The following CEP63 variants were observed in gnomAD, a reference collection of about 807,000 sequenced individuals.
The protein encoded by CEP63 is centrosomal protein 63, also known as centrosomal protein of 63 kDa.
A neutral mutation model predicts 89.1 loss-of-function variants in CEP63; 84 were observed. That is an observed-to-expected ratio of 0.94 (90% CI 0.79 to 1.13). The LOEUF (loss-of-function observed/expected upper bound fraction) is 1.13, where lower values mean the gene tolerates loss of function less well. CEP63 is among the 50% of genes most tolerant of loss of function. CEP63 has a pLI of 0.00. For synonymous variants in CEP63, 267 were observed against 272.5 expected (o/e 0.98, Z 0.20); for missense variants, 838 against 813.3 (o/e 1.03, Z -0.37).
chr3:134,647,771 C>T, the CEP63 span, among the ~76,000 whole-genome samples: 21 of 149,722 alleles, frequency 1.4e-4, no homozygotes, highest in Non-Finnish European at 2.9e-5. Flanking sequence ...CCATTTTCCA[C>T]TTCCACCTCT....
At chr3:134,720,417 T>C in the CEP63 span, among the ~76,000 whole-genome samples, 1 of 152,192 alleles carries the variant, frequency 6.6e-6, no homozygotes, top group African/African-American at 2.4e-5. Context: ...TGGTTTGTCT[T>C]TTCACTTTCT....
the CEP63 span, among the ~76,000 whole-genome samples, chr3:134,658,801 C>A: frequency 6.6e-6 from 1 of 152,172 alleles, no homozygotes; most frequent in Non-Finnish European, 1.5e-5. Context: ...TCTGAGACAG[C>A]GCTGCTCAGT....
At chr3:134,680,648 T>C in the CEP63 span, among the ~76,000 whole-genome samples, 1 of 152,174 alleles carries the variant, frequency 6.6e-6, no homozygotes, top group African/African-American at 2.4e-5. Context: ...ATACAGGTTT[T>C]AGTTTGGGGA....
chr3:134,539,039 G>A (rs1010732593), intron 6 of CEP63, among the ~76,000 whole-genome samples: 1 of 152,204 alleles, frequency 6.6e-6, no homozygotes, highest in African/African-American at 2.4e-5. Context: ...ACCTAAAACT[G>A]TCTGATTGTT....
chr3:134,502,700 A>T (rs1019571487), intron 2 of CEP63, among the ~76,000 whole-genome samples: 32 of 151,134 alleles, frequency 2.1e-4, no homozygotes, highest in Admixed American at 4.6e-4. Flanking sequence ...ACTTATTTGG[A>T]TCTTCCTTTT....
chr3:134,525,373 A>G (rs777291352), intron 3 of CEP63, among the ~76,000 whole-genome samples: 4 of 151,966 alleles, frequency 2.6e-5, no homozygotes, highest in South Asian at 2.1e-4. Flanking sequence ...GTCTCCTTCA[A>G]CTTAGCTCTG....
chr3:134,705,338 G>A, the CEP63 span, among the ~76,000 whole-genome samples: 2 of 152,000 alleles, frequency 1.3e-5, no homozygotes, highest in African/African-American at 4.8e-5. Flanking sequence ...CTGAGTGGGG[G>A]GTCTTACGGG....
At chr3:134,734,503 A>C in the CEP63 span, among the ~76,000 whole-genome samples, 1 of 152,216 alleles carries the variant, frequency 6.6e-6, no homozygotes, top group Non-Finnish European at 1.5e-5. Flanking sequence ...CAAGAGGCAC[A>C]AGTAAACAAT....
the CEP63 span, among the ~76,000 whole-genome samples, chr3:134,623,153 G>T: frequency 6.6e-6 from 1 of 152,158 alleles, no homozygotes; most frequent in Non-Finnish European, 1.5e-5. Context: ...CTGGTCCTTT[G>T]GTCCCCACCT....
intron 6 of CEP63, among the ~76,000 whole-genome samples, chr3:134,541,510 CTTTTTTTTTTTTT>C (rs564947611): frequency 7.8e-6 from 1 of 128,354 alleles, no homozygotes; most frequent in Admixed American, 8.0e-5. Flanking sequence ...TACTAGCCAA[CTTTTTTTTTTTTT>C]TTTTTTTTTG....
chr3:134,499,992 T>G (rs1941469406), intron 2 of CEP63, among the ~76,000 whole-genome samples: 1 of 151,760 alleles, frequency 6.6e-6, no homozygotes. Context: ...CCCAGCTAAT[T>G]TTTTTGTATT....
At chr3:134,730,314 A>G in the CEP63 span, among the ~76,000 whole-genome samples, 1 of 152,210 alleles carries the variant, frequency 6.6e-6, no homozygotes, top group Non-Finnish European at 1.5e-5. Context: ...ATAGGTAAAA[A>G]TATTTAGGCG....
chr3:134,660,446 G>A, the CEP63 span, among the ~76,000 whole-genome samples: 1 of 152,310 alleles, frequency 6.6e-6, no homozygotes, highest in East Asian at 1.9e-4. Context: ...TGTGGGACTT[G>A]GTAAGGTCAC....
intron 3 of CEP63, among the ~76,000 whole-genome samples, chr3:134,525,591 G>GT (rs1463968480): frequency 6.6e-6 from 1 of 152,146 alleles, no homozygotes; most frequent in South Asian, 2.1e-4. Flanking sequence ...TTATTTTGCA[G>GT]TTTTTTGTGT....
At chr3:134,631,439 G>A in the CEP63 span, among the ~76,000 whole-genome samples, 1 of 152,066 alleles carries the variant, frequency 6.6e-6, no homozygotes, top group Non-Finnish European at 1.5e-5. Context: ...CTTGGAAGAG[G>A]GAGAGAAATG....
the CEP63 span, among the ~76,000 whole-genome samples, chr3:134,623,745 A>C: frequency 4.2e-4 from 64 of 152,244 alleles, no homozygotes; most frequent in African/African-American, 1.4e-3. Flanking sequence ...TTGATGCTGC[A>C]GTAGCCGACA....
chr3:134,620,676 C>T, the CEP63 span: 1 of 1,051,622 alleles, frequency 9.5e-7, no homozygotes, highest in Non-Finnish European at 1.4e-6. Context: ...CGTGAATAAG[C>T]TGATAGGAGC....
chr3:134,629,778 A>G, the CEP63 span: 1 of 831,688 alleles, frequency 1.2e-6, no homozygotes, highest in Non-Finnish European at 2.0e-6. Context: ...TTGAATAAAA[A>G]AACAATTAGT....
rs530494533 is a variant in CEP63 at position 134,524,371 on chromosome 3, C to G, written c.223-7474C>G. On this transcript the variant is annotated intron_variant, in intron 3 of 14. Coordinates refer to ENST00000675561, the MANE Select transcript of CEP63 (RefSeq NM_001353108.3). ...CTTCCTCTCTTCCTATTTGGATGCC[C>G]TTTATTTCTTTATTTTGCCTGATTG... Among the ~76,000 whole-genome samples the G allele has an allele frequency of 6.6e-4, 100 of 152,238 alleles. 1 individual carries two copies. The highest frequency in any genetic ancestry group is 3.4e-3 in the Middle Eastern group (1 of 294).
Sources: allele counts gnomAD v4.1 joint callset (sites outside exome capture counted in the v4.1 genomes callset), GRCh38; gene constraint gnomAD v4.1.1; transcripts MANE v1.5; gene names NCBI Gene and HGNC (gene_info 2026-07-23, HGNC 2026-07-21).